The following HMGB1 variants were observed in gnomAD, a reference collection of about 807,000 sequenced individuals.
HMGB1 encodes high mobility group protein B1.
For synonymous variants in HMGB1, 81 were observed against 84.0 expected, an observed-to-expected ratio of 0.96 and a Z score of 0.19; for missense variants, 79 against 253.5, an observed-to-expected ratio of 0.31 and a Z score of 4.67.
At chr13:30,587,909 C>A (rs1666677393) in intron 1 of HMGB1, among the ~76,000 whole-genome samples, 1 of 152,182 alleles carries the variant, frequency 6.6e-6, no homozygotes. Flanking sequence ...AAGCTCAATA[C>A]ATAATGACTA....
intron 1 of HMGB1, among the ~76,000 whole-genome samples, chr13:30,481,410 G>A (rs1325305148): frequency 1.3e-5 from 2 of 152,238 alleles, no homozygotes; most frequent in Non-Finnish European, 2.9e-5. Flanking sequence ...AAGGTGGCCT[G>A]AGGGAGATTG....
intron 1 of HMGB1, among the ~76,000 whole-genome samples, chr13:30,534,521 A>T (rs1183093967): frequency 6.6e-6 from 1 of 150,692 alleles, no homozygotes; most frequent in African/African-American, 2.4e-5. Context: ...TATTCTTGTC[A>T]TTCTTTTTGG....
At chr13:30,614,487 C>G (rs1218131189) in intron 1 of HMGB1, among the ~76,000 whole-genome samples, 1 of 152,064 alleles carries the variant, frequency 6.6e-6, no homozygotes. Context: ...GGTCACACAG[C>G]AGAAGAGATG....
Position 30,551,756 on chromosome 13 carries a change from A to G in HMGB1, c.-15+64915T>C, listed in dbSNP as rs139338390. On this transcript the variant is annotated intron_variant, in intron 1 of 4. Coordinates refer to the HMGB1 transcript ENST00000405805. ...GGTCTTGCTCTGTTGCCCAGGCTGG[A>G]GTGCAGTGGTGCGATCATAGTTCAT... Among the ~76,000 whole-genome samples, 225 of 151,868 alleles carry G rather than the reference A, an allele frequency of 1.5e-3. 1 individual carries two copies. The highest frequency in any genetic ancestry group is 5.3e-3 in the African/African-American group (218 of 41,416).
chr13:30,579,572 T>C (rs1158206964), intron 1 of HMGB1, among the ~76,000 whole-genome samples: 2 of 152,228 alleles, frequency 1.3e-5, no homozygotes, highest in Non-Finnish European at 2.9e-5. Flanking sequence ...ATTCATATCA[T>C]AGCTTGCTCT....
At chr13:30,576,309 A>G (rs1271628015) in intron 1 of HMGB1, among the ~76,000 whole-genome samples, 3 of 152,162 alleles carry the variant, frequency 2.0e-5, no homozygotes, top group Non-Finnish European at 4.4e-5. Flanking sequence ...GACAAATCCC[A>G]AGGCTTTGCA....
At chr13:30,573,548 T>C (rs532690250) in intron 1 of HMGB1, among the ~76,000 whole-genome samples, 44 of 152,260 alleles carry the variant, frequency 2.9e-4, no homozygotes, top group Admixed American at 2.8e-3. Context: ...ACAAACCATA[T>C]AATTTGTAAA....
At chr13:30,478,834 C>T (rs565930357) in intron 1 of HMGB1, among the ~76,000 whole-genome samples, 1 of 151,454 alleles carries the variant, frequency 6.6e-6, no homozygotes, top group African/African-American at 2.4e-5. Context: ...GTGCCCAGCC[C>T]CCAAATCCCA....
At chr13:30,587,056 T>A (rs1871184860) in intron 1 of HMGB1, among the ~76,000 whole-genome samples, 1 of 152,208 alleles carries the variant, frequency 6.6e-6, no homozygotes. Flanking sequence ...GTAGGATTAT[T>A]ATTTTTTAAA....
At chr13:30,464,476 C>T in intron 1 of HMGB1, 2 of 985,086 alleles carry the variant, frequency 2.0e-6, no homozygotes, top group Non-Finnish European at 2.4e-6. Flanking sequence ...GGGCGAGCCC[C>T]CCGCCCCTAG....
At chr13:30,491,204 A>G (rs562353054) in intron 1 of HMGB1, among the ~76,000 whole-genome samples, 3 of 152,050 alleles carry the variant, frequency 2.0e-5, no homozygotes, top group African/African-American at 7.2e-5. Context: ...AATTTTTTGT[A>G]TTTTTAGTAG....
At chr13:30,535,711 G>A (rs932238794) in intron 1 of HMGB1, among the ~76,000 whole-genome samples, 1 of 152,178 alleles carries the variant, frequency 6.6e-6, no homozygotes, top group African/African-American at 2.4e-5. Flanking sequence ...CCAACATGGC[G>A]AAACCACATC....
At chr13:30,529,028 C>CAAAAAAAAAAAA (rs59654057) in intron 1 of HMGB1, among the ~76,000 whole-genome samples, 1 of 53,546 alleles carries the variant, frequency 1.9e-5, no homozygotes, top group African/African-American at 7.0e-5. Context: ...GACTGCGTCT[C>CAAAAAAAAAAAA]AAAAAAAAAA....
intron 1 of HMGB1, among the ~76,000 whole-genome samples, chr13:30,581,296 C>T (rs1870892609): frequency 6.6e-6 from 1 of 152,184 alleles, no homozygotes. Flanking sequence ...ATAAATAGCA[C>T]TTTTCTCAGC....
At chr13:30,595,593 G>A (rs1164966530) in intron 1 of HMGB1, among the ~76,000 whole-genome samples, 2 of 152,194 alleles carry the variant, frequency 1.3e-5, no homozygotes, top group Non-Finnish European at 2.9e-5. Flanking sequence ...TAAAGTTTCT[G>A]TGGTCAGAAA....
intron 1 of HMGB1, among the ~76,000 whole-genome samples, chr13:30,558,951 G>A (rs1198645935): frequency 1.3e-5 from 2 of 152,094 alleles, no homozygotes; most frequent in African/African-American, 4.8e-5. Context: ...TCTTCTTGAG[G>A]GCAAGGACCA....
chr13:30,592,876 A>ATTTTT (rs1309446021), intron 1 of HMGB1, among the ~76,000 whole-genome samples: 32 of 151,780 alleles, frequency 2.1e-4, no homozygotes, highest in African/African-American at 7.3e-4. Context: ...TTTTTTAAAA[A>ATTTTT]AAAAAAAAAA....
In HMGB1 at chr13:30,457,513, G is replaced by A. The variant is rs942332627; in HGVS notation, c.*3844C>T. On this transcript the variant is annotated 3_prime_UTR_variant, in exon 5 of 5. Coordinates refer to ENST00000341423, the MANE Select transcript of HMGB1 (RefSeq NM_002128.7). ...CGGGAGGATTGTTTGAGCAGATTTG[G>A]AGACCAACCTGGGCAACATAGAGAT... 2 of 152,160 alleles carry A rather than the reference G, an allele frequency of 1.3e-5. No homozygotes were observed. Among genetic ancestry groups the A allele is most frequent in the Admixed American group, 1.3e-4 (2 of 15,266 alleles). The allele number at this position is 152,160 out of a possible 1,614,324, so 9.4% of individuals were successfully genotyped here.
chr13:30,557,827 A>G (rs924211901), intron 1 of HMGB1, among the ~76,000 whole-genome samples: 4 of 152,204 alleles, frequency 2.6e-5, no homozygotes, highest in Admixed American at 2.6e-4. Context: ...TTCCAGAAAG[A>G]GAAGCGGATG....
Sources: gnomAD v4.1 joint callset for allele counts (sites outside exome capture counted in the v4.1 genomes callset) on GRCh38, gnomAD v4.1.1 for gene constraint, MANE v1.5 for transcripts, NCBI Gene and HGNC (gene_info 2026-07-23, HGNC 2026-07-21) for gene names.